LIPI: variants seen among roughly 807,000 people sequenced by gnomAD.
LIPI encodes lipase I.
A neutral mutation model predicts 50.6 loss-of-function variants in LIPI; 59 were observed. That is an observed-to-expected ratio of 1.16 (90% confidence interval 0.94 to 1.45). The LOEUF (loss-of-function observed/expected upper bound fraction) is 1.45, where lower values mean the gene tolerates loss of function less well. Among genes scored for constraint, LIPI ranks in the 40% most tolerant of loss-of-function variants. LIPI has a pLI of 0.00. For synonymous variants in LIPI, 203 were observed against 178.2 expected (o/e 1.14, Z -1.11); for missense variants, 586 against 536.3 (o/e 1.09, Z -0.92).
intron 7 of LIPI, among the ~76,000 whole-genome samples, chr21:14,156,841 G>C (rs748448292): frequency 6.6e-6 from 1 of 151,752 alleles, no homozygotes; most frequent in Non-Finnish European, 1.5e-5. Flanking sequence ...TAAGGAACAT[G>C]GCAGAGAAAA....
chr21:14,176,527 A>G lies in LIPI; in HGVS notation c.643+5231T>C, dbSNP rs10470080. ...TCAATTCAAAATATTTGATTATATT[A>G]TTTATTATTGTATTCATTAGTTATT... On this transcript the variant is annotated intron_variant, in intron 4 of 9. Transcript: ENST00000681601. Among the ~76,000 whole-genome samples, 324 of 151,802 alleles carry G rather than the reference A, an allele frequency of 2.1e-3. 2 individuals carry two copies. The highest frequency in any genetic ancestry group is 7.3e-3 in the African/African-American group (302 of 41,500).
chr21:14,111,928 G>A (rs1388123070), intron 9 of LIPI, among the ~76,000 whole-genome samples: 1 of 151,992 alleles, frequency 6.6e-6, no homozygotes, highest in African/African-American at 2.4e-5. Context: ...TGAAGTTTGG[G>A]CTTCCTGTGT....
intron 8 of LIPI, 144 bp downstream of exon 8, chr21:14,152,422 AATATAAC>A (rs1336735424): frequency 5.2e-6 from 3 of 574,570 alleles, no homozygotes; most frequent in Non-Finnish European, 9.4e-6. Flanking sequence ...AAGGAATTAG[AATATAAC>A]ATATGAGATC....
chr21:14,143,944 G>A (rs145260608), intron 9 of LIPI: 245 of 162,732 alleles, frequency 1.5e-3, no homozygotes, highest in African/African-American at 4.6e-3. Context: ...AGTCAGGATT[G>A]TGTTACATTT....
chr21:14,181,283 A>C (rs929566879), intron 4 of LIPI, among the ~76,000 whole-genome samples: 2 of 152,206 alleles, frequency 1.3e-5, no homozygotes, highest in African/African-American at 2.4e-5. Flanking sequence ...CAGCTAAGAT[A>C]ATTAAAAACA....
At chr21:14,163,975 A>G (rs892244082) in intron 6 of LIPI, among the ~76,000 whole-genome samples, 2 of 150,868 alleles carry the variant, frequency 1.3e-5, no homozygotes, top group Non-Finnish European at 1.5e-5. Context: ...CATTATATAT[A>G]TTATATATAT....
intron 4 of LIPI, among the ~76,000 whole-genome samples, chr21:14,176,348 G>A (rs947818595): frequency 6.6e-6 from 1 of 151,468 alleles, no homozygotes; most frequent in East Asian, 1.9e-4. Flanking sequence ...CCATTTCTGT[G>A]TGTTTCTATC....
At chr21:14,168,692 C>T (rs1009233065) in intron 4 of LIPI, among the ~76,000 whole-genome samples, 155 of 152,244 alleles carry the variant, frequency 1.0e-3, no homozygotes, top group Non-Finnish European at 7.5e-4. Flanking sequence ...ACCAGGCCTG[C>T]CCTAAAAGAG....
chr21:14,121,876 GGTT>G (rs2016875869), intron 9 of LIPI, among the ~76,000 whole-genome samples: 1 of 152,182 alleles, frequency 6.6e-6, no homozygotes, highest in African/African-American at 2.4e-5. Flanking sequence ...ACCAGAGGCT[GGTT>G]GGTAAATGCA....
At chr21:14,110,916 A>AAT (rs980079120) in intron 9 of LIPI, among the ~76,000 whole-genome samples, 3 of 148,252 alleles carry the variant, frequency 2.0e-5, no homozygotes, top group African/African-American at 7.3e-5. Context: ...CTATATTTTT[A>AAT]ATATATATAG....
intron 9 of LIPI, among the ~76,000 whole-genome samples, chr21:14,128,952 GT>G (rs2017176697): frequency 1.3e-5 from 2 of 152,052 alleles, no homozygotes; most frequent in Admixed American, 1.3e-4. Context: ...TGAATAAAGA[GT>G]TTGAACAAGA....
intron 4 of LIPI, among the ~76,000 whole-genome samples, chr21:14,179,461 G>T (rs2019196926): frequency 1.3e-5 from 2 of 152,058 alleles, no homozygotes. Flanking sequence ...ATCATCAAAA[G>T]ATGTTGCAAA....
intron 4 of LIPI, among the ~76,000 whole-genome samples, chr21:14,174,276 T>C (rs1247495521): frequency 6.6e-6 from 1 of 152,246 alleles, no homozygotes; most frequent in Non-Finnish European, 1.5e-5. Flanking sequence ...TCATTCATTC[T>C]CTTGGTTTCA....
rs981086712 is a variant in LIPI at position 14,127,130 on chromosome 21, C to T, written c.1295+17493G>A. Among the ~76,000 whole-genome samples the T allele has an allele frequency of 1.2e-4, 19 of 152,306 alleles. 2 individuals carry two copies. Among genetic ancestry groups the T allele is most frequent in the South Asian group, 1.2e-3 (6 of 4,826 alleles). On this transcript the variant is annotated intron_variant, in intron 9 of 9. Coordinates refer to ENST00000681601, the MANE Select transcript of LIPI (RefSeq NM_001302998.2). ...GGAAGCACCTAGAAGGAGAGCTCTG[C>T]TGTTGTCTCTATCACAGTCTGTTAC... is the stretch of plus-strand genomic sequence containing the variant.
chr21:14,137,037 G>A (rs2017524486), intron 9 of LIPI, among the ~76,000 whole-genome samples: 1 of 152,152 alleles, frequency 6.6e-6, no homozygotes, highest in South Asian at 2.1e-4. Flanking sequence ...CCCTAAAGCA[G>A]GAACAGCTTA....
intron 9 of LIPI, among the ~76,000 whole-genome samples, chr21:14,136,473 C>G (rs921574041): frequency 1.3e-5 from 2 of 152,110 alleles, no homozygotes; most frequent in African/African-American, 4.8e-5. Flanking sequence ...TGGGGTGAGG[C>G]TCCCCTGTCT....
chr21:14,165,280 T>C lies in LIPI; in HGVS notation c.844A>G (p.Lys282Glu). ...SFPCRSYKDY[K>E]TSLCVDCDCF... ...TCACAGTCCACACATAAGCTAGTCT[T>C]GTAATCTTTGTATGAACGACAAGGA... Residue 282 changes from lysine (K) to glutamate (E), a missense_variant, in exon 6 of 10, where the codon AAG becomes GAG. Physicochemically the swap from Lys to Glu is moderately conservative, Grantham distance 56. Transcript: ENST00000681601. The C allele has an allele frequency of 6.2e-7, 1 of 1,613,094 alleles. No homozygotes were observed. Among genetic ancestry groups the C allele is most frequent in the South Asian group, 1.1e-5 (1 of 91,052 alleles).
intron 9 of LIPI, among the ~76,000 whole-genome samples, chr21:14,134,849 A>G (rs1032228884): frequency 2.6e-5 from 4 of 152,198 alleles, no homozygotes; most frequent in Admixed American, 2.0e-4. Flanking sequence ...ATCTTAGAAG[A>G]AAACCTAGGA....
chr21:14,148,002 A>C (rs949298963), intron 8 of LIPI, among the ~76,000 whole-genome samples: 40 of 152,264 alleles, frequency 2.6e-4, no homozygotes, highest in Middle Eastern at 3.4e-3. Flanking sequence ...TTCTATCCTG[A>C]ATATCCAATA....
Sources: gnomAD v4.1 joint callset for allele counts (sites outside exome capture counted in the v4.1 genomes callset) on GRCh38, gnomAD v4.1.1 for gene constraint, MANE v1.5 for transcripts, NCBI Gene and HGNC (gene_info 2026-07-23, HGNC 2026-07-21) for gene names.